The following SYT16 variants were observed in gnomAD, a reference collection of about 807,000 sequenced individuals.
The protein encoded by SYT16 is synaptotagmin 16.
Under a neutral mutation model 61.4 loss-of-function variants are expected in SYT16, and 42 were observed. The observed-to-expected ratio is 0.68, with a 90% confidence interval of 0.53 to 0.89. The LOEUF (loss-of-function observed/expected upper bound fraction) is 0.89, where lower values mean the gene tolerates loss of function less well. Among genes scored for constraint, SYT16 ranks in the 40% least tolerant of loss-of-function variants. The pLI, the probability that SYT16 is intolerant of heterozygous loss-of-function variation, is 0.00. For synonymous variants in SYT16, 314 were observed against 302.3 expected, an observed-to-expected ratio of 1.04 and a Z score of -0.40; for missense variants, 804 against 807.3, an observed-to-expected ratio of 1.00 and a Z score of 0.05.
Position 61,969,812 on chromosome 14 carries a change from T to G in SYT16, c.-324-320T>G, listed in dbSNP as rs1229856367. 3.9e-5 allele frequency among the ~76,000 whole-genome samples: 6 copies of G among 152,098 alleles called. No homozygotes were observed. The South Asian group carries it at 1.2e-3, about 32-fold the overall frequency. On this transcript the variant is annotated intron_variant, in intron 1 of 7. Transcript: ENST00000683842. ...CCATTTGATTGAACTCTGTCTTAAT[T>G]GTGTGTTTGAAGTTGAATACTGGGC...
chr14:61,832,199 G>C, intron 1 of SYT16: 1 of 647,106 alleles, frequency 1.5e-6, no homozygotes, highest in Middle Eastern at 2.7e-4. Context: ...CTTTCTGTCT[G>C]GCAGACAGGT....
Position 61,988,744 on chromosome 14 carries a change from AG to A in SYT16, c.-144-7130del, listed in dbSNP as rs141111678. Among the ~76,000 whole-genome samples the A allele has an allele frequency of 2.6e-3, 400 of 152,348 alleles. 1 individual carries two copies. Among genetic ancestry groups the A allele is most frequent in the African/African-American group, 9.2e-3 (384 of 41,586 alleles). On this transcript the variant is annotated intron_variant, in intron 2 of 7. Coordinates refer to ENST00000683842, the MANE Select transcript of SYT16 (RefSeq NM_001367656.1). The stretch of plus-strand genomic sequence containing the variant: ...TTTTGAAGAGTTCCATTAGTGAAAC[AG>A]GCAACTGTGTTGTACTAGAAACAGT...
At chr14:62,074,075 G>C (rs1380061168) in intron 4 of SYT16, among the ~76,000 whole-genome samples, 1 of 152,160 alleles carries the variant, frequency 6.6e-6, no homozygotes, top group Admixed American at 6.5e-5. Context: ...GTCTGCTGGA[G>C]GAGAAAAGAG....
intron 3 of SYT16, among the ~76,000 whole-genome samples, chr14:61,996,846 A>G (rs1258009064): frequency 6.6e-6 from 1 of 152,060 alleles, no homozygotes; most frequent in Admixed American, 6.6e-5. Flanking sequence ...TTTTAAAAAT[A>G]TCTTGCAAAA....
At chr14:61,992,698 TC>T (rs1215793752) in intron 2 of SYT16, among the ~76,000 whole-genome samples, 22 of 152,218 alleles carry the variant, frequency 1.4e-4, no homozygotes, top group Admixed American at 3.3e-4. Flanking sequence ...TTGAACTTTA[TC>T]CTATAGGGTG....
intron 1 of SYT16, among the ~76,000 whole-genome samples, chr14:61,948,385 G>A (rs1264794399): frequency 6.6e-6 from 1 of 151,354 alleles, no homozygotes; most frequent in Non-Finnish European, 1.5e-5. Context: ...TTAAGGAGGT[G>A]AAAACTTGGG....
intron 2 of SYT16, among the ~76,000 whole-genome samples, chr14:61,984,144 C>T (rs1393888658): frequency 6.6e-6 from 1 of 152,166 alleles, no homozygotes; most frequent in Non-Finnish European, 1.5e-5. Flanking sequence ...TGCATTTGAT[C>T]TTCCCAAATG....
intron 1 of SYT16, among the ~76,000 whole-genome samples, chr14:61,859,111 G>C (rs1037473290): frequency 6.6e-6 from 1 of 151,614 alleles, no homozygotes; most frequent in Non-Finnish European, 1.5e-5. Flanking sequence ...CGCCCGCCTC[G>C]GCCTCCCAAA....
At chr14:62,038,408 AC>A (rs1372720450) in intron 3 of SYT16, among the ~76,000 whole-genome samples, 2 of 150,986 alleles carry the variant, frequency 1.3e-5, no homozygotes, top group East Asian at 4.0e-4. Flanking sequence ...CCCTGGAGAA[AC>A]CCCTGTCCAC....
chr14:61,865,879 A>C (rs1357610833), intron 1 of SYT16, among the ~76,000 whole-genome samples: 1 of 152,132 alleles, frequency 6.6e-6, no homozygotes, highest in African/African-American at 2.4e-5. Context: ...TGCTTTCTAA[A>C]TCATTTTATA....
intron 1 of SYT16, among the ~76,000 whole-genome samples, chr14:61,927,153 CA>C (rs1377297023): frequency 2.0e-5 from 3 of 152,198 alleles, no homozygotes; most frequent in African/African-American, 4.8e-5. Context: ...TATGCAAAAG[CA>C]GTGATTTTTA....
At chr14:61,826,471 A>C (rs570809955) in intron 1 of SYT16, among the ~76,000 whole-genome samples, 12 of 151,962 alleles carry the variant, frequency 7.9e-5, no homozygotes, top group Middle Eastern at 3.2e-3. Flanking sequence ...TGAAGATTCC[A>C]ATTTCCTGTC....
At chr14:62,079,491 G>A (rs2056629265) in intron 5 of SYT16, 2 of 393,128 alleles carry the variant, frequency 5.1e-6, no homozygotes, top group Non-Finnish European at 7.9e-6. Flanking sequence ...GACTTGCCCA[G>A]TGTCATAGAG....
At chr14:61,985,777 G>T (rs1239914343) in intron 2 of SYT16, among the ~76,000 whole-genome samples, 2 of 152,124 alleles carry the variant, frequency 1.3e-5, no homozygotes, top group Non-Finnish European at 2.9e-5. Flanking sequence ...TCTCAATTGA[G>T]TTCAAATTTA....
At chr14:61,814,098 G>T (rs193037296) in intron 1 of SYT16, among the ~76,000 whole-genome samples, 1 of 152,260 alleles carries the variant, frequency 6.6e-6, no homozygotes, top group East Asian at 1.9e-4. Context: ...TCAGTAAATG[G>T]TGGTTGTCCT....
At chr14:62,000,189 G>C (rs2052953855) in intron 3 of SYT16, among the ~76,000 whole-genome samples, 1 of 129,910 alleles carries the variant, frequency 7.7e-6, no homozygotes, top group Admixed American at 8.8e-5. Context: ...GTAACTCTGT[G>C]GATTTGGCTA....
chr14:62,003,579 T>G (rs1456198956), intron 3 of SYT16, among the ~76,000 whole-genome samples: 1 of 151,980 alleles, frequency 6.6e-6, no homozygotes, highest in Non-Finnish European at 1.5e-5. Flanking sequence ...TTATATAAAT[T>G]TTGTTGTTGT....
At chr14:61,923,122 AG>A in intron 1 of SYT16, among the ~76,000 whole-genome samples, 1 of 152,292 alleles carries the variant, frequency 6.6e-6, no homozygotes, top group South Asian at 2.1e-4. Context: ...AGGCTGGAAG[AG>A]AATGGCTCTT....
At chr14:62,011,917 A>ACT (rs2053476542) in intron 3 of SYT16, among the ~76,000 whole-genome samples, 1 of 117,866 alleles carries the variant, frequency 8.5e-6, no homozygotes, top group Admixed American at 9.4e-5. Flanking sequence ...ATATATACAC[A>ACT]CACACACACA....
Sources: gnomAD v4.1 joint callset for allele counts (sites outside exome capture counted in the v4.1 genomes callset) on GRCh38, gnomAD v4.1.1 for gene constraint, MANE v1.5 for transcripts, NCBI Gene and HGNC (gene_info 2026-07-23, HGNC 2026-07-21) for gene names.